Variants in NAV3 observed in about 807,000 individuals in gnomAD.
NAV3 encodes the protein pore membrane and/or filament interacting like protein 1.
A neutral mutation model predicts 244.7 loss-of-function variants in NAV3; 87 were observed. That is an observed-to-expected ratio of 0.36 (90% confidence interval 0.30 to 0.42). The LOEUF is 0.42. NAV3 is among the 20% of genes least tolerant of loss of function. The pLI, the probability that NAV3 is intolerant of heterozygous loss-of-function variation, is 1.00. For missense variants in NAV3, 2,663 were observed against 2,893.3 expected, an observed-to-expected ratio of 0.92 and a Z score of 1.83; for synonymous variants, 1,126 against 1,042.2, an observed-to-expected ratio of 1.08 and a Z score of -1.55.
chr12:78,150,631 TCACACACACACA>T (rs34534100), intron 22 of NAV3, among the ~76,000 whole-genome samples: 38 of 144,326 alleles, frequency 2.6e-4, no homozygotes, highest in African/African-American at 8.3e-4. Flanking sequence ...AAAAGCTTCC[TCACACACACACA>T]CACACACACA....
intron 5 of NAV3, among the ~76,000 whole-genome samples, chr12:77,984,659 T>G (rs1485434911): frequency 1.3e-5 from 2 of 152,130 alleles, no homozygotes; most frequent in Non-Finnish European, 2.9e-5. Context: ...GTAGATTCCT[T>G]GCTATTAACC....
chr12:77,847,496 T>C (rs1365966386), intron 1 of NAV3, among the ~76,000 whole-genome samples: 1 of 152,144 alleles, frequency 6.6e-6, no homozygotes, highest in African/African-American at 2.4e-5. Flanking sequence ...GGTGGGAAGA[T>C]GAAATCCAAC....
chr12:78,165,350 G>GTTTTCCT (rs1957735383), intron 23 of NAV3, among the ~76,000 whole-genome samples: 1 of 151,918 alleles, frequency 6.6e-6, no homozygotes, highest in Non-Finnish European at 1.5e-5. Context: ...ATGAGAATAA[G>GTTTTCCT]AAACTGGAAA....
intron 2 of NAV3, among the ~76,000 whole-genome samples, chr12:77,594,251 A>G (rs1053841731): frequency 6.6e-6 from 1 of 152,084 alleles, no homozygotes; most frequent in South Asian, 2.1e-4. Flanking sequence ...GGTCTTCTGT[A>G]TTGAAAGTAT....
intron 3 of NAV3, among the ~76,000 whole-genome samples, 157 bp from the exon 4 acceptor site, chr12:77,966,072 A>C (rs1277671461): frequency 2.6e-5 from 4 of 152,264 alleles, no homozygotes. Flanking sequence ...TTCTGCAATT[A>C]GCCAAAATAA....
intron 12 of NAV3, among the ~76,000 whole-genome samples, chr12:78,104,833 CA>C (rs1272627504): frequency 1.3e-5 from 2 of 152,090 alleles, no homozygotes; most frequent in Non-Finnish European, 2.9e-5. Context: ...TAAATAAAAC[CA>C]TACCTTATGT....
upstream of NAV3, among the ~76,000 whole-genome samples, chr12:77,828,886 A>G (rs1183579949): frequency 6.6e-6 from 1 of 152,184 alleles, no homozygotes; most frequent in Non-Finnish European, 1.5e-5. Context: ...TTTCCAAAAT[A>G]CCAATGAGCT....
chr12:77,599,577 A>G (rs1870326717), intron 2 of NAV3, among the ~76,000 whole-genome samples: 2 of 151,730 alleles, frequency 1.3e-5, no homozygotes, highest in Admixed American at 1.3e-4. Context: ...TAGGCTGAAA[A>G]CCATTCCAAG....
chr12:78,031,578 C>T (rs914660809), intron 9 of NAV3, among the ~76,000 whole-genome samples: 1 of 151,948 alleles, frequency 6.6e-6, no homozygotes, highest in Non-Finnish European at 1.5e-5. Flanking sequence ...AGTTCATGTC[C>T]TTTGTAGGGA....
At chr12:77,788,294 C>T (rs1871001116) in intron 2 of NAV3, among the ~76,000 whole-genome samples, 1 of 152,096 alleles carries the variant, frequency 6.6e-6, no homozygotes, top group Non-Finnish European at 1.5e-5. Flanking sequence ...ATTAGAGATC[C>T]TGAATGCAGT....
intron 2 of NAV3, among the ~76,000 whole-genome samples, chr12:77,813,557 C>T (rs1024805308): frequency 2.6e-5 from 4 of 152,186 alleles, no homozygotes; most frequent in African/African-American, 9.7e-5. Context: ...TGCATCACCT[C>T]CCAGTAGCTA....
chr12:78,203,401 A>C (rs1182797535), intron 38 of NAV3, among the ~76,000 whole-genome samples: 1 of 152,152 alleles, frequency 6.6e-6, no homozygotes, highest in East Asian at 1.9e-4. Flanking sequence ...CTATAAAGTA[A>C]GTTTGTAACT....
At chr12:77,945,121 GAA>G (rs35006584) in intron 3 of NAV3, among the ~76,000 whole-genome samples, 454 of 145,244 alleles carry the variant, frequency 3.1e-3, no homozygotes, top group African/African-American at 8.8e-3. Flanking sequence ...CACTGTTAGA[GAA>G]AAAAAAAAAA....
intron 1 of NAV3, among the ~76,000 whole-genome samples, chr12:77,849,559 C>T (rs114547139): frequency 0.012 from 1,754 of 152,188 alleles, 28 homozygotes; most frequent in African/African-American, 0.04. Flanking sequence ...AAATTATTTG[C>T]TGAAAAAATT....
Position 78,152,513 on chromosome 12 carries a change from A to G in NAV3, c.4785+3594A>G, listed in dbSNP as rs149630331. On this transcript the variant is annotated intron_variant, in intron 22 of 39. Transcript: ENST00000397909. ...ATTAATTACAAGTCATTTTGAACTCATTCATTTTCTTTGTGTTTGCTTTAT... is the reference window on the plus strand; with the variant it reads ...ATTAATTACAAGTCATTTTGAACTCGTTCATTTTCTTTGTGTTTGCTTTAT... Among the ~76,000 whole-genome samples, 711 of 151,906 alleles carry G rather than the reference A, an allele frequency of 4.7e-3. 10 individuals carry two copies. The highest frequency in any genetic ancestry group is 0.016 in the African/African-American group (668 of 41,530).
At chr12:77,705,730 A>G (rs1191015069) in intron 2 of NAV3, among the ~76,000 whole-genome samples, 1 of 151,374 alleles carries the variant, frequency 6.6e-6, no homozygotes, top group Non-Finnish European at 1.5e-5. Context: ...GAGCTTTCTA[A>G]CGGCTGGTAA....
intron 2 of NAV3, among the ~76,000 whole-genome samples, chr12:77,610,852 C>T (rs974325129): frequency 4.0e-5 from 6 of 151,264 alleles, no homozygotes; most frequent in Admixed American, 4.0e-4. Context: ...TTTAAGAGTC[C>T]GTGTATGTTT....
At position 77,865,493 on chromosome 12, in the gene NAV3, A is replaced by G. The variant is rs193071948; in HGVS notation, c.243+33789A>G. On this transcript the variant is annotated intron_variant, in intron 1 of 39. Transcript: ENST00000397909. The stretch of plus-strand genomic sequence containing the variant: ...AAACTATAGCTGTCTTTGAAATATA[A>G]GAACATATCCTCATTAATTAATGTT... Among the ~76,000 whole-genome samples the G allele has an allele frequency of 4.4e-4, 67 of 152,196 alleles. No homozygotes were observed. In the East Asian group the frequency reaches 0.012, roughly 27 times the overall value.
At chr12:77,800,022 A>G (rs1452327147) in intron 2 of NAV3, among the ~76,000 whole-genome samples, 1 of 152,196 alleles carries the variant, frequency 6.6e-6, no homozygotes, top group Non-Finnish European at 1.5e-5. Context: ...CATTTTCACC[A>G]TAGCATCTAC....
Sources: gnomAD v4.1 joint callset for allele counts (sites outside exome capture counted in the v4.1 genomes callset) on GRCh38, gnomAD v4.1.1 for gene constraint, MANE v1.5 for transcripts, NCBI Gene and HGNC (gene_info 2026-07-23, HGNC 2026-07-21) for gene names.